TRIP12: variants seen among roughly 807,000 people sequenced by gnomAD.
TRIP12 encodes the protein E3 ubiquitin-protein ligase TRIP12.
In TRIP12, 25 loss-of-function variants were observed where a neutral mutation model predicts 244.2. The observed-to-expected ratio is 0.10, with a 90% CI of 0.07 to 0.14. The LOEUF is 0.14. TRIP12 is among the 10% of genes least tolerant of loss of function. The probability of loss-of-function intolerance (pLI) is 1.00; values close to 1 mark genes in which losing one functional copy is unlikely to be tolerated. For missense variants in TRIP12, 1,677 were observed against 2,486.4 expected, an observed-to-expected ratio of 0.67 and a Z score of 6.92; for synonymous variants, 905 against 873.1, an observed-to-expected ratio of 1.04 and a Z score of -0.64.
chr2:229,915,631 A>AAAG (rs10651636), intron 1 of TRIP12, among the ~76,000 whole-genome samples: 148,230 of 151,894 alleles, frequency 0.98, 72,432 homozygotes, highest in Middle Eastern at 1. Context: ...AAAGTTAAAA[A>AAAG]AAGGGTGAGG....
chr2:229,793,491 T>C (rs2042051225), intron 26 of TRIP12: 2 of 159,068 alleles, frequency 1.3e-5, no homozygotes, highest in Admixed American at 1.3e-4. Flanking sequence ...CACACTCACT[T>C]CTGCAATATT....
rs760617369 is a variant in TRIP12, at chr2:229,830,752, T to C, written c.1354+4A>G. On this transcript the variant is annotated splice_donor_region_variant and intron_variant, in intron 7 of 41. Coordinates refer to ENST00000675903, the MANE Select transcript of TRIP12 (RefSeq NM_001348323.3). ...TTTCTTATAGGCTCAATAACTGTTT[T>C]TACCTTGCAAACGTCCCATCTCGGA... is the stretch of plus-strand genomic sequence containing the variant. The C allele has an allele frequency of 1.9e-6, 3 of 1,613,760 alleles. No homozygotes were observed. The Admixed American group carries it at 5.0e-5, about 27-fold the overall frequency.
At chr2:229,803,866 T>C (rs2045132199) in intron 19 of TRIP12, 133 bp downstream of exon 19, 8 of 880,342 alleles carry the variant, frequency 9.1e-6, no homozygotes, top group Admixed American at 3.1e-5. Flanking sequence ...TGAATATAAA[T>C]AGACAAAAAA....
At chr2:229,880,151 A>C (rs886446694) in intron 1 of TRIP12, 23 bp from the exon 2 acceptor site, 3 of 1,386,724 alleles carry the variant, frequency 2.2e-6, no homozygotes, top group Admixed American at 4.2e-5. Flanking sequence ...AAAATAAACA[A>C]AATTTATCAG....
intron 7 of TRIP12, among the ~76,000 whole-genome samples, chr2:229,830,380 A>G (rs2053026699): frequency 6.6e-6 from 1 of 152,224 alleles, no homozygotes; most frequent in Non-Finnish European, 1.5e-5. Context: ...CCAATAATGG[A>G]ACACTAGGCC....
intron 27 of TRIP12, among the ~76,000 whole-genome samples, chr2:229,792,671 T>C (rs2041846480): frequency 6.6e-6 from 1 of 152,210 alleles, no homozygotes; most frequent in South Asian, 2.1e-4. Context: ...ATGTTCAACC[T>C]GTATATATTA....
At chr2:229,909,875 A>G (rs1329306201) in intron 1 of TRIP12, among the ~76,000 whole-genome samples, 2 of 152,174 alleles carry the variant, frequency 1.3e-5, no homozygotes, top group African/African-American at 4.8e-5. Context: ...AAATATATAT[A>G]TACCATTTGC....
chr2:229,903,962 G>T (rs960960903), intron 1 of TRIP12, among the ~76,000 whole-genome samples: 2 of 152,052 alleles, frequency 1.3e-5, no homozygotes, highest in Non-Finnish European at 2.9e-5. Context: ...TTTGGGCCCA[G>T]GAAGTGAAGG....
At chr2:229,869,806 G>A (rs892420553) in intron 2 of TRIP12, among the ~76,000 whole-genome samples, 1 of 152,148 alleles carries the variant, frequency 6.6e-6, no homozygotes, top group Non-Finnish European at 1.5e-5. Context: ...AAAAGGCTAA[G>A]AGTCAACACA....
At chr2:229,825,217 T>C (rs1160604924) in intron 8 of TRIP12, among the ~76,000 whole-genome samples, 1 of 152,180 alleles carries the variant, frequency 6.6e-6, no homozygotes, top group Non-Finnish European at 1.5e-5. Flanking sequence ...ACACTCACCA[T>C]TGGAGAAAGG....
chr2:229,875,736 C>T (rs1487739401), intron 2 of TRIP12, among the ~76,000 whole-genome samples: 1 of 152,194 alleles, frequency 6.6e-6, no homozygotes, highest in Non-Finnish European at 1.5e-5. Context: ...CTATTATTAT[C>T]ATTAGTTGAA....
intron 1 of TRIP12, among the ~76,000 whole-genome samples, chr2:229,906,484 G>C (rs1260227425): frequency 6.6e-6 from 1 of 151,296 alleles, no homozygotes; most frequent in Non-Finnish European, 1.5e-5. Flanking sequence ...CACTTTAAGA[G>C]GCCGAGGCGG....
At chr2:229,824,723 A>C (rs1029892139) in intron 8 of TRIP12, among the ~76,000 whole-genome samples, 4 of 152,238 alleles carry the variant, frequency 2.6e-5, no homozygotes, top group African/African-American at 7.2e-5. Flanking sequence ...TGCTACTCTT[A>C]ACTGAGAAAG....
In TRIP12 at chr2:229,813,850, A is replaced by G. The variant is rs1238170779; in HGVS notation, c.1986+20T>C. On this transcript the variant is annotated intron_variant, in intron 13 of 41. Transcript: ENST00000675903. ...AGTAATAAAACACTTTATGGCACATAAAATAGATGCATATTTTACCTGATG... is the reference window on the plus strand; with the variant it reads ...AGTAATAAAACACTTTATGGCACATGAAATAGATGCATATTTTACCTGATG... 4 of 1,454,206 alleles carry G rather than the reference A, an allele frequency of 2.8e-6. No individual in the cohort carries two copies. The highest frequency in any genetic ancestry group is 3.7e-6 in the Non-Finnish European group (4 of 1,083,092). The allele number at this position is 1,454,206 out of a possible 1,614,324, so 90.1% of individuals were successfully genotyped here.
intron 1 of TRIP12, among the ~76,000 whole-genome samples, chr2:229,906,071 G>T (rs867447982): frequency 1.3e-5 from 2 of 152,142 alleles, no homozygotes; most frequent in Non-Finnish European, 2.9e-5. Context: ...TTGGGAGGCC[G>T]AGGTGGGCAG....
At chr2:229,866,365 T>A (rs915634275) in intron 2 of TRIP12, among the ~76,000 whole-genome samples, 1 of 152,206 alleles carries the variant, frequency 6.6e-6, no homozygotes, top group Non-Finnish European at 1.5e-5. Flanking sequence ...TGACTCCAAA[T>A]ACAGATGCAC....
At chr2:229,837,565 C>T (rs537983089) in intron 5 of TRIP12, among the ~76,000 whole-genome samples, 187 of 152,094 alleles carry the variant, frequency 1.2e-3, no homozygotes, top group Non-Finnish European at 2.3e-3. Context: ...ACCCGGGAGG[C>T]GGAGGTTGCA....
intron 9 of TRIP12, among the ~76,000 whole-genome samples, chr2:229,816,489 T>C (rs541390331): frequency 6.6e-6 from 1 of 152,278 alleles, no homozygotes; most frequent in East Asian, 1.9e-4. Flanking sequence ...ACAGATACCC[T>C]TTCACCAAAA....
intron 11 of TRIP12, 47 bp from the exon 12 acceptor site, chr2:229,814,372 T>A: frequency 6.5e-7 from 1 of 1,549,706 alleles, no homozygotes; most frequent in Non-Finnish European, 8.9e-7. Context: ...TTAAGTTCTT[T>A]CCCAATAACT....
Sources: allele counts gnomAD v4.1 joint callset (sites outside exome capture counted in the v4.1 genomes callset), GRCh38; gene constraint gnomAD v4.1.1; transcripts MANE v1.5; gene names NCBI Gene and HGNC (gene_info 2026-07-23, HGNC 2026-07-21).